The following CRY2 variants were observed in gnomAD, a reference collection of about 807,000 sequenced individuals.
CRY2 encodes the protein cryptochrome-2.
CRY2 carries 31 observed loss-of-function variants against 69.5 expected under a neutral mutation model. The observed-to-expected ratio is 0.45, with a 90% CI of 0.34 to 0.60. CRY2 has a LOEUF of 0.60. Ranked by LOEUF, CRY2 falls within the 20% of genes least tolerant of loss-of-function variation. CRY2 has a pLI of 0.02. For missense variants in CRY2, 606 were observed against 797.8 expected (o/e 0.76, Z 2.90); for synonymous variants, 303 against 312.2 (o/e 0.97, Z 0.31).
intron 4 of CRY2, chr11:45,861,287 G>C (rs953906532): frequency 2.0e-5 from 9 of 448,694 alleles, no homozygotes; most frequent in African/African-American, 1.8e-4. Context: ...CTCTATTTTT[G>C]TACTAACCTC....
intron 11 of CRY2, among the ~76,000 whole-genome samples, chr11:45,875,605 C>T (rs1187816817): frequency 6.6e-6 from 1 of 152,142 alleles, no homozygotes; most frequent in Non-Finnish European, 1.5e-5. Context: ...GTTTACTCTG[C>T]CCTCCACTGG....
Position 45,870,165 on chromosome 11 carries a change from G to C in CRY2, c.1307G>C (p.Gly436Ala), listed in dbSNP as rs1359817275. The change falls in exon 8 of 12, where the codon GGC (glycine) becomes GCC (alanine). Residue 436 changes from glycine to alanine, a missense_variant. Coordinates refer to ENST00000616080, the MANE Select transcript of CRY2 (RefSeq NM_021117.5). Reference sequence around the variant, plus strand: ...TTCTTCCACTGCTACTGCCCTGTGGGCTTTGGCCGTCGCACGGACCCCAGT... The same window carrying C: ...TTCTTCCACTGCTACTGCCCTGTGGCCTTTGGCCGTCGCACGGACCCCAGT... ...QQFFHCYCPV[G>A]FGRRTDPSGD... is the part of the protein sequence containing the mutation. 6.2e-7 allele frequency: 1 copy of C among 1,613,544 alleles called. No individual in the cohort carries two copies. Among genetic ancestry groups the C allele is most frequent in the Admixed American group, 1.7e-5 (1 of 59,998 alleles).
chr11:45,857,027 C>A (rs2086245637), intron 2 of CRY2, among the ~76,000 whole-genome samples: 1 of 152,262 alleles, frequency 6.6e-6, no homozygotes, highest in East Asian at 1.9e-4. Context: ...CTCAGCAGCA[C>A]ACAATGATTG....
chr11:45,864,416 A>C (rs2086313317), intron 5 of CRY2, among the ~76,000 whole-genome samples: 1 of 152,150 alleles, frequency 6.6e-6, no homozygotes, highest in Non-Finnish European at 1.5e-5. Flanking sequence ...TGAACCTAGG[A>C]GTTCAAAACC....
chr11:45,853,785 G>A (rs2086216387), intron 1 of CRY2, among the ~76,000 whole-genome samples: 1 of 152,236 alleles, frequency 6.6e-6, no homozygotes, highest in African/African-American at 2.4e-5. Flanking sequence ...GGTGAGGCTT[G>A]GGGGAGGCCA....
Position 45,872,178 on chromosome 11 carries a change from C to T in CRY2, c.1729C>T (p.Arg577Trp), listed in dbSNP as rs755779930. The stretch of plus-strand genomic sequence containing the variant: ...ACCACCTGGTGAAGAACTCAGCAAA[C>T]GGGCCCGGGTGGCAGAGTTGCCAAC... The part of the protein sequence containing the change: ...EEPPGEELSK[R>W]ARVAELPTPE... Residue 577 changes from arginine (R) to tryptophan (W), a missense_variant, in exon 11 of 12, where the codon CGG becomes TGG. By Grantham distance (101) the Arg-to-Trp change is moderately radical. This residue lies in a region of CRY2 where 173 missense variants were observed against 213.7 expected (regional missense o/e 0.81). Coordinates refer to ENST00000616080, the MANE Select transcript of CRY2 (RefSeq NM_021117.5). 9 of 1,614,054 alleles carry T rather than the reference C, an allele frequency of 5.6e-6. No homozygotes were observed. Among genetic ancestry groups the T allele is most frequent in the African/African-American group, 1.3e-5 (1 of 74,914 alleles).
intron 11 of CRY2, among the ~76,000 whole-genome samples, chr11:45,873,598 G>C (rs962293090): frequency 1.3e-5 from 2 of 152,242 alleles, no homozygotes; most frequent in Admixed American, 1.3e-4. Flanking sequence ...TGCTCAGTAA[G>C]CTAATGGTGT....
At chr11:45,867,877 G>T in intron 6 of CRY2, 125 bp downstream of exon 6, 1 of 1,279,330 alleles carries the variant, frequency 7.8e-7, no homozygotes, top group Non-Finnish European at 1.1e-6. Flanking sequence ...AAGGGCCTAA[G>T]TGTGTGCAGA....
chr11:45,847,501 CT>C lies in CRY2; in HGVS notation c.12del (p.Val5TrpfsTer81). 1 of 1,596,304 alleles carries C rather than the reference CT, an allele frequency of 6.3e-7. No homozygotes were observed. Among genetic ancestry groups the C allele is most frequent in the Non-Finnish European group, 8.5e-7 (1 of 1,175,720 alleles). On this transcript the variant is annotated frameshift_variant, in exon 1 of 12. Transcript: ENST00000616080. LOFTEE classifies it high-confidence loss of function. ...GCAGTCTGGACAGTCATGGCGGCGACTGTGGCGACGGCGGCAGCTGTGGCCC... is the reference window on the plus strand; with the variant it reads ...GCAGTCTGGACAGTCATGGCGGCGACGTGGCGACGGCGGCAGCTGTGGCCC... MAA[T>X]VATAAAVAPA...
Position 45,882,293 on chromosome 11 carries a change from G to A in CRY2, c.*1382G>A, listed in dbSNP as rs545476941. ...GTGTGTGTGTGTGCGTGTGTGGTAC[G>A]TGTGTGTGTGTGTGGCTATGAGGCT... On this transcript the variant is annotated 3_prime_UTR_variant, in exon 12 of 12. Transcript: ENST00000616080. 30 of 190,848 alleles carry A rather than the reference G, an allele frequency of 1.6e-4. No individual in the cohort carries two copies. The highest frequency in any genetic ancestry group is 6.5e-4 in the African/African-American group (28 of 42,790). 11.8% of individuals were successfully genotyped at this position (190,848 alleles called of 1,614,324 possible).
At chr11:45,859,991 C>T (rs1052316829) in intron 3 of CRY2, among the ~76,000 whole-genome samples, 4 of 152,150 alleles carry the variant, frequency 2.6e-5, no homozygotes, top group Admixed American at 2.0e-4. Context: ...CATATATCTC[C>T]ACTAACGTGG....
intron 11 of CRY2, among the ~76,000 whole-genome samples, chr11:45,874,821 T>C (rs981886964): frequency 2.0e-5 from 3 of 152,084 alleles, no homozygotes; most frequent in Non-Finnish European, 4.4e-5. Flanking sequence ...CAGGTGCCTG[T>C]AGTCCCAGCT....
At chr11:45,867,440 T>G (rs1004895732) in intron 5 of CRY2, 172 bp from the exon 6 acceptor site, 8 of 717,250 alleles carry the variant, frequency 1.1e-5, no homozygotes, top group Middle Eastern at 2.6e-4. Context: ...AGACTCGTTG[T>G]TTGGTCTGAT....
chr11:45,872,778 T>G (rs1273356457), intron 11 of CRY2, among the ~76,000 whole-genome samples: 1 of 152,122 alleles, frequency 6.6e-6, no homozygotes, highest in Non-Finnish European at 1.5e-5. Context: ...TGAGTCACAC[T>G]CAAGAGAAAG....
chr11:45,849,566 C>T (rs2086178615), intron 1 of CRY2, among the ~76,000 whole-genome samples: 1 of 151,684 alleles, frequency 6.6e-6, no homozygotes, highest in Admixed American at 6.6e-5. Flanking sequence ...GGCTGCTGTG[C>T]ATTGGAATCC....
At chr11:45,852,230 G>A (rs931930684) in intron 1 of CRY2, among the ~76,000 whole-genome samples, 2 of 152,218 alleles carry the variant, frequency 1.3e-5, no homozygotes, top group Admixed American at 1.3e-4. Flanking sequence ...TTTTGGCCAT[G>A]TGAGCTCAGC....
Position 45,869,606 on chromosome 11 carries a change from T to C in CRY2, c.983T>C (p.Met328Thr). 1.2e-6 allele frequency: 2 copies of C among 1,614,252 alleles called. No individual in the cohort carries two copies. Among genetic ancestry groups the C allele is most frequent in the East Asian group, 2.2e-5 (1 of 44,886 alleles). The change falls in exon 7 of 12, where the codon ATG becomes ACG. Residue 328 changes from methionine to threonine, a missense_variant. Transcript: ENST00000616080. ...ACCAACAACCCCAGGTTTGACCGCA[T>C]GGAGGGGAACCCCATCTGCATCCAG... ...AATNNPRFDR[M>T]EGNPICIQIP... is the part of the protein sequence containing the mutation.
At position 45,868,320 on chromosome 11, in the gene CRY2, A is replaced by T. The variant is rs188088670; in HGVS notation, c.882+568A>T. ...AACACAGTCAGCATTCAGAGGGATC[A>T]CCTCATCTTGTGCCTATGTTTTTTG... On this transcript the variant is annotated intron_variant, in intron 6 of 11. Transcript: ENST00000616080. Among the ~76,000 whole-genome samples the T allele has an allele frequency of 3.3e-5, 5 of 152,264 alleles. No homozygotes were observed. In the South Asian group the frequency reaches 8.3e-4, roughly 25 times the overall value.
chr11:45,851,001 G>A (rs1235510862), intron 1 of CRY2, among the ~76,000 whole-genome samples: 1 of 151,516 alleles, frequency 6.6e-6, no homozygotes, highest in Admixed American at 6.6e-5. Context: ...AAGTTTACGG[G>A]CTAATTGTAG....
Sources: allele counts gnomAD v4.1 joint callset (sites outside exome capture counted in the v4.1 genomes callset), GRCh38; gene constraint gnomAD v4.1.1; regional missense constraint gnomAD v4.1.1; transcripts MANE v1.5; gene names NCBI Gene and HGNC (gene_info 2026-07-23, HGNC 2026-07-21).